STAU2: variants seen among roughly 807,000 people sequenced by gnomAD.
STAU2 encodes double-stranded RNA-binding protein Staufen homolog 2.
A neutral mutation model predicts 65.9 loss-of-function variants in STAU2; 20 were observed. The observed-to-expected ratio is 0.30, with a 90% CI of 0.21 to 0.44. The LOEUF (loss-of-function observed/expected upper bound fraction) is 0.44. STAU2 is among the 20% of genes least tolerant of loss of function. STAU2 has a pLI of 1.00. For synonymous variants in STAU2, 232 were observed against 233.9 expected (o/e 0.99, Z 0.07); for missense variants, 558 against 683.9 (o/e 0.82, Z 2.05).
chr8:73,516,739 C>G (rs1822749026), intron 13 of STAU2, among the ~76,000 whole-genome samples: 1 of 152,062 alleles, frequency 6.6e-6, no homozygotes, highest in Non-Finnish European at 1.5e-5. Context: ...TACGCAACAC[C>G]ATAATTTAAG....
At chr8:73,557,920 T>C (rs776272717) in intron 12 of STAU2, among the ~76,000 whole-genome samples, 1 of 152,208 alleles carries the variant, frequency 6.6e-6, no homozygotes, top group African/African-American at 2.4e-5. Flanking sequence ...AGATACAACA[T>C]GGGCACTGTT....
chr8:73,583,403 C>T (rs1810136654), intron 11 of STAU2, among the ~76,000 whole-genome samples: 1 of 152,086 alleles, frequency 6.6e-6, no homozygotes, highest in Non-Finnish European at 1.5e-5. Flanking sequence ...ACTTTGGCCT[C>T]CCAAAGTGCT....
intron 13 of STAU2, among the ~76,000 whole-genome samples, chr8:73,510,731 T>C (rs944570465): frequency 6.6e-6 from 1 of 152,130 alleles, no homozygotes; most frequent in African/African-American, 2.4e-5. Context: ...AATAAATCCA[T>C]TAGATCTCCT....
At chr8:73,642,215 G>GTC (rs1815039065) in intron 6 of STAU2, among the ~76,000 whole-genome samples, 1 of 152,046 alleles carries the variant, frequency 6.6e-6, no homozygotes, top group Non-Finnish European at 1.5e-5. Flanking sequence ...ACATGGTCAG[G>GTC]TCTCCCCCAC....
At chr8:73,708,348 T>C (rs1820663547) in intron 4 of STAU2, among the ~76,000 whole-genome samples, 1 of 152,182 alleles carries the variant, frequency 6.6e-6, no homozygotes, top group Non-Finnish European at 1.5e-5. Context: ...AAGATATAAA[T>C]GTGCCATAGA....
At chr8:73,659,548 G>T (rs531306331) in intron 6 of STAU2, among the ~76,000 whole-genome samples, 97 of 152,138 alleles carry the variant, frequency 6.4e-4, no homozygotes, top group African/African-American at 2.1e-3. Context: ...AAAAAAAGAA[G>T]AGCTTCATAA....
At chr8:73,729,201 G>A (rs1001099441) in intron 3 of STAU2, among the ~76,000 whole-genome samples, 3 of 152,082 alleles carry the variant, frequency 2.0e-5, no homozygotes, top group Admixed American at 6.6e-5. Context: ...GGTTTTCCCC[G>A]CTTCATTCTA....
chr8:73,460,614 C>T (rs764978200), intron 13 of STAU2, among the ~76,000 whole-genome samples: 6 of 152,124 alleles, frequency 3.9e-5, no homozygotes, highest in Admixed American at 1.3e-4. Context: ...TCTGAGTACT[C>T]TTAGATCCAT....
chr8:73,563,236 G>A (rs1368855840), intron 12 of STAU2, among the ~76,000 whole-genome samples: 1 of 152,146 alleles, frequency 6.6e-6, no homozygotes, highest in South Asian at 2.1e-4. Flanking sequence ...TAGGCAGCTT[G>A]GACTTTCATC....
At chr8:73,632,231 GA>G (rs1563470452) in intron 6 of STAU2, among the ~76,000 whole-genome samples, 1 of 151,562 alleles carries the variant, frequency 6.6e-6, no homozygotes, top group Non-Finnish European at 1.5e-5. Context: ...ATTTTAAAAT[GA>G]GTATGTAAAC....
intron 13 of STAU2, among the ~76,000 whole-genome samples, chr8:73,447,799 C>T (rs1243471891): frequency 4.6e-5 from 7 of 152,244 alleles, no homozygotes; most frequent in Non-Finnish European, 1.0e-4. Context: ...CCTTTTCCTC[C>T]CCCCTCTGGG....
At chr8:73,477,996 A>T (rs10957667) in intron 13 of STAU2, among the ~76,000 whole-genome samples, 4 of 151,348 alleles carry the variant, frequency 2.6e-5, no homozygotes, top group African/African-American at 9.7e-5. Context: ...ATTGTCTGAC[A>T]CACTGAAGTG....
intron 11 of STAU2, among the ~76,000 whole-genome samples, chr8:73,584,779 C>G (rs1810242163): frequency 6.6e-6 from 1 of 152,082 alleles, no homozygotes; most frequent in African/African-American, 2.4e-5. Flanking sequence ...AAGGTACGGC[C>G]AGGATGGAAA....
chr8:73,463,108 G>C (rs1287068376), intron 13 of STAU2, among the ~76,000 whole-genome samples: 2 of 152,210 alleles, frequency 1.3e-5, no homozygotes, highest in East Asian at 3.9e-4. Context: ...CTGGCTGTGT[G>C]ATCATGGACA....
intron 6 of STAU2, among the ~76,000 whole-genome samples, chr8:73,664,636 C>T (rs969966784): frequency 5.9e-5 from 9 of 152,132 alleles, no homozygotes; most frequent in Non-Finnish European, 1.0e-4. Flanking sequence ...CTAGAATAAA[C>T]TTCATTTAAT....
intron 13 of STAU2, among the ~76,000 whole-genome samples, chr8:73,459,748 C>T (rs1038711617): frequency 2.6e-5 from 4 of 152,208 alleles, no homozygotes; most frequent in African/African-American, 4.8e-5. Context: ...CAACACCCAA[C>T]GGGCTGTTAC....
chr8:73,503,123 T>C (rs1821855276), intron 13 of STAU2, among the ~76,000 whole-genome samples: 1 of 152,062 alleles, frequency 6.6e-6, no homozygotes, highest in Non-Finnish European at 1.5e-5. Context: ...ATAACAAGAC[T>C]GATGTCAGGA....
intron 5 of STAU2, among the ~76,000 whole-genome samples, chr8:73,680,288 C>A (rs1586256746): frequency 6.6e-6 from 1 of 151,944 alleles, no homozygotes; most frequent in African/African-American, 2.4e-5. Context: ...TAGCCTAGGG[C>A]AAATGCTTTT....
intron 13 of STAU2, among the ~76,000 whole-genome samples, chr8:73,537,278 G>C (rs537215355): frequency 6.6e-6 from 1 of 152,072 alleles, no homozygotes; most frequent in South Asian, 2.1e-4. Flanking sequence ...TGTGTCATCA[G>C]AGTCCCAGAA....
Sources: allele counts gnomAD v4.1 joint callset (sites outside exome capture counted in the v4.1 genomes callset), GRCh38; gene constraint gnomAD v4.1.1; transcripts MANE v1.5; gene names NCBI Gene and HGNC (gene_info 2026-07-23, HGNC 2026-07-21).